TBX20: variants seen among roughly 807,000 people sequenced by gnomAD.
TBX20 encodes the protein T-box transcription factor 20.
TBX20 carries 8 observed loss-of-function variants against 42.9 expected under a neutral mutation model. That is an observed-to-expected ratio of 0.19 (90% CI 0.11 to 0.34). The LOEUF (loss-of-function observed/expected upper bound fraction) is 0.34. Among genes scored for constraint, TBX20 ranks in the 10% least tolerant of loss-of-function variants. The pLI is 1.00. For missense variants in TBX20, 411 were observed against 566.0 expected (o/e 0.73, Z 2.78); for synonymous variants, 198 against 222.8 (o/e 0.89, Z 0.99).
chr7:35,221,218 G>A (rs7808218), intron 6 of TBX20, among the ~76,000 whole-genome samples: 1,857 of 146,348 alleles, frequency 0.013, 42 homozygotes, highest in African/African-American at 0.043. Flanking sequence ...AAAATTATTC[G>A]TTGAGGGAGG....
intron 4 of TBX20, 97 bp downstream of exon 4, chr7:35,244,852 G>C (rs1387531258): frequency 7.2e-6 from 6 of 827,860 alleles, no homozygotes; most frequent in Middle Eastern, 2.4e-4. Context: ...GTGGGAAGGG[G>C]ATAGGGAAGG....
chr7:35,226,404 CAAAAAAA>C (rs375521286), intron 6 of TBX20, among the ~76,000 whole-genome samples: 1 of 81,076 alleles, frequency 1.2e-5, no homozygotes, highest in Admixed American at 1.1e-4. Context: ...GTGAACAATC[CAAAAAAA>C]AAAAAAAAAA....
chr7:35,251,123 G>C (rs1366230303), intron 1 of TBX20, among the ~76,000 whole-genome samples: 1 of 152,112 alleles, frequency 6.6e-6, no homozygotes, highest in Non-Finnish European at 1.5e-5. Flanking sequence ...TAAGGGCCTG[G>C]GACTACACCA....
At chr7:35,203,863 T>C (rs1293183928) in intron 7 of TBX20, among the ~76,000 whole-genome samples, 1 of 152,224 alleles carries the variant, frequency 6.6e-6, no homozygotes, top group Non-Finnish European at 1.5e-5. Context: ...ATACGAACTT[T>C]ACTGTTCCCA....
At chr7:35,252,589 G>A (rs768114542) in intron 1 of TBX20, among the ~76,000 whole-genome samples, 8 of 152,086 alleles carry the variant, frequency 5.3e-5, no homozygotes, top group Non-Finnish European at 1.2e-4. Flanking sequence ...GGAAAAATTG[G>A]GGAGGGTTAA....
In TBX20 at chr7:35,202,453, C is replaced by T. The variant is rs750770210; in HGVS notation, c.1321G>A (p.Ala441Thr). Residue 441 changes from alanine to threonine, a missense_variant, in exon 8 of 8, where the codon GCT becomes ACT. Physicochemically the swap from Ala to Thr is moderately conservative, Grantham distance 58. Coordinates refer to ENST00000408931, the MANE Select transcript of TBX20 (RefSeq NM_001077653.2). ...AGTCATACAAATGGCGTCATCACAG[C>T]AGAGGAATGGCGTAGTCCTTGAATG... ...AAIQGLRHSSAVMTPFV is the reference protein window; with the variant it reads ...AAIQGLRHSSTVMTPFV The T allele has an allele frequency of 4.1e-5, 66 of 1,593,002 alleles. No individual in the cohort carries two copies. In the South Asian group the frequency reaches 7.2e-4, roughly 17 times the overall value.
At chr7:35,222,233 TG>T (rs1789695521) in intron 6 of TBX20, among the ~76,000 whole-genome samples, 1 of 152,188 alleles carries the variant, frequency 6.6e-6, no homozygotes, top group Non-Finnish European at 1.5e-5. Flanking sequence ...TAAGTTTCTT[TG>T]TTATATGATT....
chr7:35,213,814 G>A (rs543005314), intron 6 of TBX20, among the ~76,000 whole-genome samples: 2 of 140,284 alleles, frequency 1.4e-5, no homozygotes, highest in African/African-American at 2.6e-5. Flanking sequence ...GCCTCACAGG[G>A]CCACTCATTC....
At chr7:35,213,877 C>CAAAAA (rs59548164) in intron 6 of TBX20, among the ~76,000 whole-genome samples, 1,039 of 59,524 alleles carry the variant, frequency 0.017, 49 homozygotes, top group East Asian at 0.034. Context: ...GCAGAGATAG[C>CAAAAA]AAAAAAAAAA....
chr7:35,253,481 T>C lies in TBX20; in HGVS notation c.127+13A>G, dbSNP rs928118262. 1.2e-6 allele frequency: 2 copies of C among 1,606,958 alleles called. No individual in the cohort carries two copies. The highest frequency in any genetic ancestry group is 1.3e-5 in the African/African-American group (1 of 74,836). On this transcript the variant is annotated intron_variant, in intron 1 of 7. Transcript: ENST00000408931. ...CCCCAGTCCTCGGCGGACAGCCGGG[T>C]AGCCCAACTTACCCAGGGGTTTGAT...
intron 1 of TBX20, among the ~76,000 whole-genome samples, chr7:35,250,426 G>A (rs1790284281): frequency 6.6e-6 from 1 of 152,184 alleles, no homozygotes; most frequent in Admixed American, 6.5e-5. Flanking sequence ...GTGAGTTCTA[G>A]AATGACTGCT....
intron 3 of TBX20, among the ~76,000 whole-genome samples, chr7:35,247,060 A>G (rs1171795975): frequency 1.3e-5 from 2 of 149,080 alleles, no homozygotes; most frequent in Non-Finnish European, 3.0e-5. Context: ...GGCATGTCAT[A>G]TTTCCAAAGT....
chr7:35,218,758 T>A (rs1299683527), intron 6 of TBX20, among the ~76,000 whole-genome samples: 1 of 152,150 alleles, frequency 6.6e-6, no homozygotes, highest in African/African-American at 2.4e-5. Context: ...AACATTTATG[T>A]CCCCTAAAGA....
chr7:35,225,967 T>G (rs567204801), intron 6 of TBX20, among the ~76,000 whole-genome samples: 1 of 152,242 alleles, frequency 6.6e-6, no homozygotes, highest in Admixed American at 6.5e-5. Flanking sequence ...AGAACTAGTA[T>G]GCATAAGAAT....
At chr7:35,230,467 G>A (rs1789848120) in intron 6 of TBX20, among the ~76,000 whole-genome samples, 1 of 151,970 alleles carries the variant, frequency 6.6e-6, no homozygotes, top group African/African-American at 2.4e-5. Flanking sequence ...AGCCTCTCCT[G>A]CTTGCTCCTC....
At chr7:35,232,764 C>A (rs745800036) in intron 5 of TBX20, among the ~76,000 whole-genome samples, 3 of 152,184 alleles carry the variant, frequency 2.0e-5, no homozygotes, top group Non-Finnish European at 4.4e-5. Flanking sequence ...GTGGCTCACG[C>A]CTGTAATCCC....
intron 6 of TBX20, among the ~76,000 whole-genome samples, chr7:35,220,761 A>G (rs1274618759): frequency 2.6e-5 from 4 of 152,264 alleles, no homozygotes; most frequent in Non-Finnish European, 5.9e-5. Context: ...AGTTATTAAC[A>G]GAGCAGAACA....
intron 1 of TBX20, among the ~76,000 whole-genome samples, chr7:35,251,909 C>A (rs1343022858): frequency 6.6e-6 from 1 of 152,168 alleles, no homozygotes; most frequent in Non-Finnish European, 1.5e-5. Context: ...TCTTTCAGAG[C>A]CCATCTCAAA....
At chr7:35,236,326 T>C (rs1246896759) in intron 5 of TBX20, among the ~76,000 whole-genome samples, 3 of 151,508 alleles carry the variant, frequency 2.0e-5, no homozygotes, top group African/African-American at 7.3e-5. Flanking sequence ...CTTTGTTCTT[T>C]GTATGTGAAA....
Sources: allele counts gnomAD v4.1 joint callset (sites outside exome capture counted in the v4.1 genomes callset), GRCh38; gene constraint gnomAD v4.1.1; transcripts MANE v1.5; gene names NCBI Gene and HGNC (gene_info 2026-07-23, HGNC 2026-07-21).